CDK12: variants seen among roughly 807,000 people sequenced by gnomAD.
CDK12 encodes the protein cyclin dependent kinase 12.
CDK12 carries 17 observed loss-of-function variants against 133.8 expected under a neutral mutation model. That is an observed-to-expected ratio of 0.13 (90% CI 0.09 to 0.19). The LOEUF is 0.19. CDK12 is among the 10% of genes least tolerant of loss of function. The pLI is 1.00. For synonymous variants in CDK12, 694 were observed against 683.6 expected (o/e 1.02, Z -0.24); for missense variants, 1,508 against 1,818.7 (o/e 0.83, Z 3.11).
chr17:39,539,576 G>A (rs989059896), intron 1 of CDK12, among the ~76,000 whole-genome samples: 3 of 152,182 alleles, frequency 2.0e-5, no homozygotes, highest in Non-Finnish European at 4.4e-5. Flanking sequence ...CATGTCCTGT[G>A]TACAGACAGG....
intron 6 of CDK12, among the ~76,000 whole-genome samples, chr17:39,508,032 C>A (rs926213294): frequency 6.6e-6 from 1 of 152,062 alleles, no homozygotes; most frequent in African/African-American, 2.4e-5. Flanking sequence ...TGTTGAGTAT[C>A]CCCTGTGCTT....
At chr17:39,477,582 T>A (rs12451586) in intron 2 of CDK12, among the ~76,000 whole-genome samples, 92,849 of 148,988 alleles carry the variant, frequency 0.62, 31,958 homozygotes, top group South Asian at 0.89. Context: ...TTATTTTTTT[T>A]TTTTTTTTGA....
chr17:39,480,375 T>G (rs2050549230), intron 2 of CDK12, among the ~76,000 whole-genome samples: 1 of 151,992 alleles, frequency 6.6e-6, no homozygotes, highest in African/African-American at 2.4e-5. Context: ...TCCCAAGTGA[T>G]TCTCCTGCGT....
At chr17:39,486,722 A>T (rs1018718908) in intron 2 of CDK12, among the ~76,000 whole-genome samples, 1 of 151,588 alleles carries the variant, frequency 6.6e-6, no homozygotes, top group Admixed American at 6.6e-5. Flanking sequence ...TAAAAAATCT[A>T]TGTTGGTGGG....
chr17:39,537,751 A>T (rs1279877262), downstream of CDK12, among the ~76,000 whole-genome samples: 1 of 151,792 alleles, frequency 6.6e-6, no homozygotes, highest in African/African-American at 2.4e-5. Flanking sequence ...TTTAGTAGTG[A>T]CAGGGTTTCA....
intron 2 of CDK12, among the ~76,000 whole-genome samples, chr17:39,483,818 C>T (rs749600698): frequency 3.3e-5 from 5 of 151,380 alleles, no homozygotes; most frequent in South Asian, 2.1e-4. Context: ...CCACCCCTGG[C>T]GTAAATATTT....
chr17:39,519,104 T>C (rs2054000091), intron 10 of CDK12, among the ~76,000 whole-genome samples: 1 of 151,914 alleles, frequency 6.6e-6, no homozygotes, highest in Non-Finnish European at 1.5e-5. Flanking sequence ...GGTTTCACCA[T>C]GTTAGCCAGG....
intron 3 of CDK12, chr17:39,556,516 C>T (rs2056169346): frequency 6.6e-6 from 1 of 152,310 alleles, no homozygotes; most frequent in Non-Finnish European, 1.5e-5. Flanking sequence ...GCATTGGGCA[C>T]ACTGGTTTAT....
intron 2 of CDK12, among the ~76,000 whole-genome samples, chr17:39,482,019 T>C (rs1443610007): frequency 2.1e-5 from 3 of 140,332 alleles, no homozygotes; most frequent in African/African-American, 5.1e-5. Flanking sequence ...GCTTGCCTTT[T>C]TTTTTTTTTT....
At chr17:39,538,320 A>G (rs968826634), downstream of CDK12, among the ~76,000 whole-genome samples, 1 of 152,202 alleles carries the variant, frequency 6.6e-6, no homozygotes, top group African/African-American at 2.4e-5. Flanking sequence ...CTCATTTTAG[A>G]TCCAAATGAT....
exon 4 of CDK12, chr17:39,564,803 A>T (rs1283845777): frequency 1.3e-5 from 2 of 152,292 alleles, no homozygotes; most frequent in Non-Finnish European, 2.9e-5. Context: ...CGCAGCCTGA[A>T]GAAAGAAGGT....
At chr17:39,536,680 C>G (rs1417446063), downstream of CDK12, among the ~76,000 whole-genome samples, 1 of 152,184 alleles carries the variant, frequency 6.6e-6, no homozygotes, top group Non-Finnish European at 1.5e-5. Flanking sequence ...ATAAGAGTTG[C>G]TTTAATGTCC....
intron 9 of CDK12, among the ~76,000 whole-genome samples, chr17:39,516,823 C>T (rs898964082): frequency 5.3e-5 from 8 of 151,770 alleles, no homozygotes; most frequent in African/African-American, 7.3e-5. Flanking sequence ...CCACCACACG[C>T]GGCTCATTTT....
chr17:39,503,827 C>A (rs1301121128), intron 6 of CDK12, among the ~76,000 whole-genome samples: 2 of 151,982 alleles, frequency 1.3e-5, no homozygotes, highest in Non-Finnish European at 2.9e-5. Flanking sequence ...AGGAAGAGAG[C>A]GAACAGGTGG....
intron 4 of CDK12, among the ~76,000 whole-genome samples, chr17:39,494,164 C>T (rs1311254730): frequency 5.3e-5 from 8 of 152,102 alleles, no homozygotes; most frequent in Non-Finnish European, 1.2e-4. Context: ...ACCTCTGCCT[C>T]CCGGGTTCAA....
At chr17:39,550,753 G>A (rs895183889) in intron 1 of CDK12, 1 of 152,210 alleles carries the variant, frequency 6.6e-6, no homozygotes. Flanking sequence ...ACTTGGCCAG[G>A]TGCGGTGGCT....
intron 2 of CDK12, among the ~76,000 whole-genome samples, chr17:39,488,746 T>C (rs1178422636): frequency 6.6e-6 from 1 of 152,152 alleles, no homozygotes; most frequent in Non-Finnish European, 1.5e-5. Context: ...ATTTTATTTC[T>C]ATTTTTAAAT....
At chr17:39,554,076 G>A (rs536742456) in intron 2 of CDK12, among the ~76,000 whole-genome samples, 3 of 152,300 alleles carry the variant, frequency 2.0e-5, no homozygotes, top group African/African-American at 4.8e-5. Context: ...CAGGAGGTAC[G>A]GGGCATCCAT....
At chr17:39,496,912 C>CTTTTTTTT (rs71147349) in intron 5 of CDK12, among the ~76,000 whole-genome samples, 25 of 87,814 alleles carry the variant, frequency 2.8e-4, no homozygotes, top group African/African-American at 7.2e-4. Context: ...TTCAGTATAT[C>CTTTTTTTT]TTTTTTTTTT....
Sources: gnomAD v4.1 joint callset for allele counts (sites outside exome capture counted in the v4.1 genomes callset) on GRCh38, gnomAD v4.1.1 for gene constraint, MANE v1.5 for transcripts, NCBI Gene and HGNC (gene_info 2026-07-23, HGNC 2026-07-21) for gene names.